Variants in GALNT11 observed in about 807,000 individuals in gnomAD.
GALNT11 encodes the protein polypeptide N-acetylgalactosaminyltransferase 11, also known as UDP-GalNAc:polypeptide N-acetylgalactosaminyltransferase 11.
Under a neutral mutation model 72.7 loss-of-function variants are expected in GALNT11, and 47 were observed. The ratio of observed to expected loss-of-function variants is 0.65; its 90% CI spans 0.51 to 0.82. The LOEUF (loss-of-function observed/expected upper bound fraction) is 0.82, where lower values mean the gene tolerates loss of function less well. Ranked by LOEUF, GALNT11 falls within the 40% of genes least tolerant of loss-of-function variation. The pLI is 0.00. For missense variants in GALNT11, 677 were observed against 778.4 expected (o/e 0.87, Z 1.55); for synonymous variants, 270 against 286.6 (o/e 0.94, Z 0.58).
At chr7:152,046,184 T>TA (rs1181105458) in intron 1 of GALNT11, among the ~76,000 whole-genome samples, 1 of 152,168 alleles carries the variant, frequency 6.6e-6, no homozygotes, top group East Asian at 1.9e-4. Context: ...TTTGAATTTT[T>TA]AAAAACTTGC....
At chr7:152,030,983 GT>G (rs1272688508) in intron 1 of GALNT11, among the ~76,000 whole-genome samples, 1 of 152,220 alleles carries the variant, frequency 6.6e-6, no homozygotes, top group Non-Finnish European at 1.5e-5. Flanking sequence ...TTTCCTTGTG[GT>G]ATTTAATGGG....
At chr7:152,044,191 A>G (rs1001350016) in intron 1 of GALNT11, among the ~76,000 whole-genome samples, 8 of 152,332 alleles carry the variant, frequency 5.3e-5, no homozygotes, top group Non-Finnish European at 5.9e-5. Flanking sequence ...ATTTACCCAC[A>G]TTATTTATTG....
In GALNT11 at chr7:152,081,166, G is replaced by A. The variant is rs192643587; in HGVS notation, c.-38-13024G>A. Among the ~76,000 whole-genome samples, 160 of 152,290 alleles carry A rather than the reference G, an allele frequency of 1.1e-3. 1 individual carries two copies. Among genetic ancestry groups the A allele is most frequent in the African/African-American group, 3.7e-3 (155 of 41,536 alleles). ...TTTCTGAAAAATGTTAGATTGGTTA[G>A]ACTGGAAGATTAGTGGAATTAAGCC... On this transcript the variant is annotated intron_variant, in intron 1 of 11. Coordinates refer to ENST00000430044, the MANE Select transcript of GALNT11 (RefSeq NM_022087.4).
chr7:152,086,603 G>A (rs564951352), intron 1 of GALNT11, among the ~76,000 whole-genome samples: 20 of 152,288 alleles, frequency 1.3e-4, no homozygotes, highest in African/African-American at 4.8e-4. Context: ...GATGAGCCAG[G>A]GTGGTTATTC....
At chr7:152,112,427 G>T (rs1487932057) in intron 7 of GALNT11, among the ~76,000 whole-genome samples, 1 of 152,000 alleles carries the variant, frequency 6.6e-6, no homozygotes, top group Non-Finnish European at 1.5e-5. Flanking sequence ...TGTAATCCCT[G>T]CTACTCGGGA....
At chr7:152,090,761 C>G (rs2085970196) in intron 1 of GALNT11, among the ~76,000 whole-genome samples, 1 of 151,880 alleles carries the variant, frequency 6.6e-6, no homozygotes, top group Non-Finnish European at 1.5e-5. Context: ...CCCTCTCCAT[C>G]TTCCTGAAGC....
intron 1 of GALNT11, among the ~76,000 whole-genome samples, chr7:152,070,994 G>T (rs932390131): frequency 6.6e-6 from 1 of 152,164 alleles, no homozygotes; most frequent in Non-Finnish European, 1.5e-5. Flanking sequence ...GTGCAAATAG[G>T]TGTAGGTCAC....
chr7:152,049,647 C>G (rs2083298125), intron 1 of GALNT11, among the ~76,000 whole-genome samples: 1 of 152,152 alleles, frequency 6.6e-6, no homozygotes, highest in South Asian at 2.1e-4. Context: ...TATATTTGCT[C>G]AAGGCCCTAA....
intron 3 of GALNT11, among the ~76,000 whole-genome samples, chr7:152,102,356 A>G (rs1487010529): frequency 2.0e-5 from 3 of 151,936 alleles, no homozygotes; most frequent in Admixed American, 1.3e-4. Flanking sequence ...ATCCTGGCCA[A>G]TGTGGTGAAA....
chr7:152,071,029 A>C (rs890827982), intron 1 of GALNT11, among the ~76,000 whole-genome samples: 2 of 152,206 alleles, frequency 1.3e-5, no homozygotes, highest in African/African-American at 4.8e-5. Flanking sequence ...TTACAAGGTA[A>C]TAGAATATCA....
intron 1 of GALNT11, among the ~76,000 whole-genome samples, chr7:152,045,502 T>G (rs1046982454): frequency 2.6e-5 from 4 of 152,222 alleles, no homozygotes; most frequent in Non-Finnish European, 5.9e-5. Context: ...TTCTTAATAG[T>G]TCAGTCTTGG....
At chr7:152,078,247 C>T (rs2085102145) in intron 1 of GALNT11, among the ~76,000 whole-genome samples, 1 of 152,146 alleles carries the variant, frequency 6.6e-6, no homozygotes, top group African/African-American at 2.4e-5. Flanking sequence ...CAGAGTTTCA[C>T]TCTTGTTGCG....
intron 1 of GALNT11, among the ~76,000 whole-genome samples, chr7:152,088,685 C>G (rs1237846689): frequency 1.3e-5 from 2 of 152,134 alleles, no homozygotes; most frequent in Non-Finnish European, 2.9e-5. Context: ...CTAAAACCAT[C>G]TGTTCCTTAG....
chr7:152,037,966 C>T (rs2082661598), intron 1 of GALNT11, among the ~76,000 whole-genome samples: 3 of 152,146 alleles, frequency 2.0e-5, no homozygotes, highest in African/African-American at 7.2e-5. Flanking sequence ...ATGGGGGTCT[C>T]TCCATGTTGG....
chr7:152,069,624 G>A (rs943723813), intron 1 of GALNT11, among the ~76,000 whole-genome samples: 5 of 152,158 alleles, frequency 3.3e-5, no homozygotes, highest in South Asian at 2.1e-4. Flanking sequence ...AGACTGTTAC[G>A]TCTTCTTGGA....
At chr7:152,113,150 C>A in intron 7 of GALNT11, 96 bp from the exon 8 acceptor site, 1 of 1,309,066 alleles carries the variant, frequency 7.6e-7, no homozygotes, top group Non-Finnish European at 1.0e-6. Flanking sequence ...GTTTCATAAA[C>A]ACCTATTGAA....
chr7:152,120,652 C>G (rs2089340476), intron 10 of GALNT11, 179 bp from the exon 11 acceptor site: 1 of 584,216 alleles, frequency 1.7e-6, no homozygotes, highest in East Asian at 2.9e-5. Context: ...ACCTCACTTT[C>G]TCCTGCCTTA....
intron 1 of GALNT11, among the ~76,000 whole-genome samples, chr7:152,027,307 A>G (rs11975472): frequency 0.053 from 8,031 of 152,298 alleles, 375 homozygotes; most frequent in East Asian, 0.21. Flanking sequence ...TTATAGGTAC[A>G]TGAGATATTT....
chr7:152,036,586 T>C (rs1003932778), intron 1 of GALNT11, among the ~76,000 whole-genome samples: 3 of 152,200 alleles, frequency 2.0e-5, no homozygotes, highest in African/African-American at 7.2e-5. Context: ...ACTGATTTCC[T>C]TTCTTTTGGG....
Sources: gnomAD v4.1 joint callset for allele counts (sites outside exome capture counted in the v4.1 genomes callset) on GRCh38, gnomAD v4.1.1 for gene constraint, MANE v1.5 for transcripts, NCBI Gene and HGNC (gene_info 2026-07-23, HGNC 2026-07-21) for gene names.